The following GNA14 variants were observed in gnomAD, a reference collection of about 807,000 sequenced individuals.
GNA14 encodes the protein guanine nucleotide-binding protein subunit alpha-14.
In GNA14, 50 loss-of-function variants were observed where a neutral mutation model predicts 42.0. The observed-to-expected ratio is 1.19, with a 90% CI of 0.95 to 1.51. GNA14 has a LOEUF of 1.51. GNA14 is among the 40% of genes most tolerant of loss of function. GNA14 has a pLI of 0.00. For synonymous variants in GNA14, 173 were observed against 163.1 expected, an observed-to-expected ratio of 1.06 and a Z score of -0.46; for missense variants, 473 against 446.2, an observed-to-expected ratio of 1.06 and a Z score of -0.54.
chr9:77,551,492 T>C (rs1837785324), intron 1 of GNA14, among the ~76,000 whole-genome samples: 1 of 149,024 alleles, frequency 6.7e-6, no homozygotes, highest in Non-Finnish European at 1.5e-5. Context: ...CCTCATCATA[T>C]ACATGCGCAG....
chr9:77,555,318 C>T (rs556292262), intron 1 of GNA14, among the ~76,000 whole-genome samples: 3 of 152,192 alleles, frequency 2.0e-5, no homozygotes, highest in African/African-American at 7.2e-5. Context: ...CCAGCCTGAC[C>T]AACATGGCGA....
intron 1 of GNA14, among the ~76,000 whole-genome samples, chr9:77,569,438 C>T (rs1823026079): frequency 6.6e-6 from 1 of 152,150 alleles, no homozygotes; most frequent in South Asian, 2.1e-4. Flanking sequence ...AACTGTCCTG[C>T]CCAACAAGTT....
chr9:77,610,867 C>T (rs1242513886), intron 1 of GNA14, among the ~76,000 whole-genome samples: 1 of 152,152 alleles, frequency 6.6e-6, no homozygotes, highest in Non-Finnish European at 1.5e-5. Context: ...AAATGAATGT[C>T]AGCAACTTTT....
chr9:77,433,290 G>A (rs915593980), intron 3 of GNA14, among the ~76,000 whole-genome samples: 2 of 152,214 alleles, frequency 1.3e-5, no homozygotes, highest in Non-Finnish European at 2.9e-5. Context: ...AGAAGCAGGA[G>A]TTATTGCCAC....
Position 77,647,854 on chromosome 9 carries a change from C to T in GNA14, c.-61G>A, listed in dbSNP as rs1824385694. 3 of 1,559,468 alleles carry T rather than the reference C, an allele frequency of 1.9e-6. No individual in the cohort carries two copies. In the African/African-American group the frequency reaches 4.1e-5, roughly 21 times the overall value. On this transcript the variant is annotated 5_prime_UTR_variant, in exon 1 of 7. Coordinates refer to ENST00000341700, the MANE Select transcript of GNA14 (RefSeq NM_004297.4). ...GCCCCGGGCACCCGAATCCTCGGCCCGGCCGCTCACCCGGCCAGCATGCGA... is the reference window on the plus strand; with the variant it reads ...GCCCCGGGCACCCGAATCCTCGGCCTGGCCGCTCACCCGGCCAGCATGCGA...
intron 2 of GNA14, among the ~76,000 whole-genome samples, chr9:77,459,247 AG>A (rs1324569057): frequency 1.4e-5 from 1 of 71,444 alleles, no homozygotes; most frequent in South Asian, 3.4e-4. Context: ...GGGAAAAAAA[AG>A]AAAAAAAAGA....
chr9:77,522,925 G>A (rs186861252), intron 2 of GNA14, among the ~76,000 whole-genome samples: 8 of 152,140 alleles, frequency 5.3e-5, no homozygotes, highest in African/African-American at 1.9e-4. Context: ...AACAAAATTC[G>A]CAGAGGCCTT....
chr9:77,520,107 T>TA (rs931951725), intron 2 of GNA14, among the ~76,000 whole-genome samples: 2 of 152,332 alleles, frequency 1.3e-5, no homozygotes, highest in East Asian at 3.9e-4. Flanking sequence ...TTATTTTTTT[T>TA]AAAACTTTTA....
At chr9:77,580,510 C>CTTAA in intron 1 of GNA14, 1 of 423,208 alleles carries the variant, frequency 2.4e-6, no homozygotes, top group South Asian at 2.4e-5. Flanking sequence ...TGTGGGTGAG[C>CTTAA]TTAAGGTAGA....
chr9:77,469,205 T>A (rs1293490935), intron 2 of GNA14, among the ~76,000 whole-genome samples: 1 of 151,934 alleles, frequency 6.6e-6, no homozygotes, highest in Non-Finnish European at 1.5e-5. Flanking sequence ...ATGAGACCTA[T>A]CATTCATCCA....
At chr9:77,548,973 C>T (rs1280521861) in intron 1 of GNA14, among the ~76,000 whole-genome samples, 2 of 151,370 alleles carry the variant, frequency 1.3e-5, no homozygotes, top group Non-Finnish European at 2.9e-5. Flanking sequence ...CAGAGTCTTG[C>T]TCTATTGCCA....
chr9:77,478,375 GC>G (rs1414509940), intron 2 of GNA14, among the ~76,000 whole-genome samples: 2 of 152,138 alleles, frequency 1.3e-5, no homozygotes, highest in Non-Finnish European at 2.9e-5. Context: ...TTTTATGGCT[GC>G]ATAGTATTCC....
intron 1 of GNA14, among the ~76,000 whole-genome samples, chr9:77,614,932 G>A (rs1193316963): frequency 6.6e-6 from 1 of 152,176 alleles, no homozygotes; most frequent in African/African-American, 2.4e-5. Flanking sequence ...TACTGTAAAT[G>A]CCAAACATAT....
At chr9:77,455,028 C>T (rs1317857555) in intron 2 of GNA14, among the ~76,000 whole-genome samples, 1 of 152,196 alleles carries the variant, frequency 6.6e-6, no homozygotes, top group Non-Finnish European at 1.5e-5. Flanking sequence ...CTCAAAGTTT[C>T]TGTAGGTCGG....
intron 1 of GNA14, among the ~76,000 whole-genome samples, chr9:77,550,100 G>A (rs2131781123): frequency 6.6e-6 from 1 of 152,216 alleles, no homozygotes; most frequent in Non-Finnish European, 1.5e-5. Context: ...GTGGGAGGGG[G>A]TAGAGAGAAG....
At chr9:77,618,924 C>T (rs939352614) in intron 1 of GNA14, among the ~76,000 whole-genome samples, 29 of 151,716 alleles carry the variant, frequency 1.9e-4, no homozygotes, top group Admixed American at 4.6e-4. Context: ...TGAGCCACCG[C>T]GCCCGGCCTT....
chr9:77,458,271 C>T (rs1250035875), intron 2 of GNA14, among the ~76,000 whole-genome samples: 1 of 147,988 alleles, frequency 6.8e-6, no homozygotes, highest in Non-Finnish European at 1.5e-5. Flanking sequence ...GCAGGTGAAA[C>T]CAGGCCCAAG....
At chr9:77,519,455 T>G (rs909301100) in intron 2 of GNA14, among the ~76,000 whole-genome samples, 1 of 152,058 alleles carries the variant, frequency 6.6e-6, no homozygotes, top group African/African-American at 2.4e-5. Context: ...CCAAAAACCT[T>G]TTAACAATTT....
chr9:77,566,234 A>C (rs181082888), intron 1 of GNA14, among the ~76,000 whole-genome samples: 3 of 143,840 alleles, frequency 2.1e-5, no homozygotes, highest in African/African-American at 7.9e-5. Context: ...GGCTCACTGC[A>C]ACCTCTGCCT....
Sources: allele counts gnomAD v4.1 joint callset (sites outside exome capture counted in the v4.1 genomes callset), GRCh38; gene constraint gnomAD v4.1.1; transcripts MANE v1.5; gene names NCBI Gene and HGNC (gene_info 2026-07-23, HGNC 2026-07-21).